The following RPRD2 variants were observed in gnomAD, a reference collection of about 807,000 sequenced individuals.
RPRD2 encodes the protein regulation of nuclear pre-mRNA domain containing 2.
A neutral mutation model predicts 104.4 loss-of-function variants in RPRD2; 12 were observed. The observed-to-expected ratio is 0.11, with a 90% CI of 0.07 to 0.19. The LOEUF is 0.19. RPRD2 is among the 10% of genes least tolerant of loss of function. The pLI is 1.00. For synonymous variants in RPRD2, 714 were observed against 684.9 expected (o/e 1.04, Z -0.66); for missense variants, 1,543 against 1,790.1 (o/e 0.86, Z 2.49).
Position 150,471,774 on chromosome 1 carries a change from C to A in RPRD2, c.2826C>A (p.Ser942=). The A allele has an allele frequency of 6.2e-7, 1 of 1,613,930 alleles. No individual in the cohort carries two copies. The change falls in exon 11 of 11, where the codon TCC becomes TCA. Residue 942 remains serine (S), a synonymous_variant. Transcript: ENST00000369068. This position sits in a 1 kb window ranked among gnomAD's most constrained non-coding sequence, Gnocchi z 5.3. ...SKNDSFFTPD[S]NHNSLSQSTT... is the part of the protein sequence containing the mutation. ...ATGATTCATTTTTCACCCCTGACTCCAACCACAATAGCTTGTCTCAATCTA... is the reference window on the plus strand; with the variant it reads ...ATGATTCATTTTTCACCCCTGACTCAAACCACAATAGCTTGTCTCAATCTA...
At chr1:150,380,777 C>G (rs965559848) in intron 1 of RPRD2, among the ~76,000 whole-genome samples, 1 of 152,164 alleles carries the variant, frequency 6.6e-6, no homozygotes, top group Non-Finnish European at 1.5e-5. Flanking sequence ...GCCTCAGCCT[C>G]CCGAGTAGCT....
At chr1:150,389,413 GTC>G (rs1661890712) in intron 1 of RPRD2, among the ~76,000 whole-genome samples, 1 of 152,142 alleles carries the variant, frequency 6.6e-6, no homozygotes, top group East Asian at 1.9e-4. Flanking sequence ...ATGTGGGTTT[GTC>G]TGTTTTTTTG....
chr1:150,436,250 ACAT>A (rs1665983088), intron 2 of RPRD2, among the ~76,000 whole-genome samples: 1 of 152,192 alleles, frequency 6.6e-6, no homozygotes, highest in South Asian at 2.1e-4. Flanking sequence ...TGCTAACACA[ACAT>A]TTATTCTGCC....
chr1:150,377,280 A>AT (rs1553879793), intron 1 of RPRD2, among the ~76,000 whole-genome samples: 2 of 151,652 alleles, frequency 1.3e-5, no homozygotes, highest in African/African-American at 4.8e-5. Context: ...TGGGTGCTGA[A>AT]AGAGATGGAA....
chr1:150,461,128 C>A (rs1667904842), intron 9 of RPRD2, among the ~76,000 whole-genome samples: 1 of 151,936 alleles, frequency 6.6e-6, no homozygotes, highest in Non-Finnish European at 1.5e-5. Flanking sequence ...GGCGTGGTGG[C>A]TCATGCCTGT....
chr1:150,384,755 C>A (rs1394409620), intron 1 of RPRD2, among the ~76,000 whole-genome samples: 1 of 151,658 alleles, frequency 6.6e-6, no homozygotes, highest in African/African-American at 2.4e-5. Flanking sequence ...GACCCACCTG[C>A]CTCGGCCTCC....
At chr1:150,416,223 G>C (rs1202042354) in intron 1 of RPRD2, among the ~76,000 whole-genome samples, 4 of 151,986 alleles carry the variant, frequency 2.6e-5, no homozygotes, top group African/African-American at 9.7e-5. Context: ...AGAGTATGAG[G>C]GTTTTAATAA....
intron 2 of RPRD2, among the ~76,000 whole-genome samples, chr1:150,423,328 T>A (rs1171526245): frequency 6.6e-6 from 1 of 152,212 alleles, no homozygotes; most frequent in African/African-American, 2.4e-5. Flanking sequence ...AGAATCCCTT[T>A]AAGAACTGAG....
At chr1:150,365,651 G>C (rs587747802) in intron 1 of RPRD2, among the ~76,000 whole-genome samples, 9 of 152,118 alleles carry the variant, frequency 5.9e-5, no homozygotes, top group African/African-American at 2.2e-4. Flanking sequence ...GTGCAGTGGC[G>C]CGATCTCGGC....
chr1:150,444,503 TC>T, intron 6 of RPRD2, 126 bp downstream of exon 6: 2 of 837,186 alleles, frequency 2.4e-6, no homozygotes, highest in Non-Finnish European at 3.6e-6. Context: ...ACCTCTGGTT[TC>T]CCAGGTAGTT....
In RPRD2 at chr1:150,472,915, G is replaced by A; in HGVS notation, c.3967G>A (p.Val1323Ile). Residue 1323 changes from valine to isoleucine, a missense_variant, in exon 11 of 11, where the codon GTA becomes ATA. This residue lies in a region of RPRD2 where 880 missense variants were observed against 885.6 expected (regional missense o/e 0.99). Coordinates refer to ENST00000369068, the MANE Select transcript of RPRD2 (RefSeq NM_015203.5). ...GCACGGAGTGGCAGGGGCTGTGGCA[G>A]TATTTCCCAAGGACCATAGTTCCCT... Reference protein sequence around the residue: ...AEHGVAGAVAVFPKDHSSLLQ... With the variant: ...AEHGVAGAVAIFPKDHSSLLQ... 1.9e-6 allele frequency: 3 copies of A among 1,613,346 alleles called. No individual in the cohort carries two copies. Among genetic ancestry groups the A allele is most frequent in the Non-Finnish European group, 2.5e-6 (3 of 1,179,612 alleles).
At position 150,470,730 on chromosome 1, in the gene RPRD2, T is replaced by G; in HGVS notation, c.1782T>G (p.Pro594=). The G allele has an allele frequency of 6.2e-7, 1 of 1,614,050 alleles. No individual in the cohort carries two copies. The highest frequency in any genetic ancestry group is 2.2e-5 in the East Asian group (1 of 44,884). ...PFIPKSFNYS[P]NSSTSEVSST... is the part of the protein sequence containing the mutation. ...TTCCCAAAAGCTTCAACTATTCTCCTAACTCATCAACTTCTGAAGTCTCTT... is the reference window on the plus strand; with the variant it reads ...TTCCCAAAAGCTTCAACTATTCTCCGAACTCATCAACTTCTGAAGTCTCTT... Residue 594 remains proline, a synonymous_variant, in exon 11 of 11, where the codon CCT becomes CCG. Transcript: ENST00000369068.
chr1:150,379,293 CAAAA>C (rs1248296306), intron 1 of RPRD2, among the ~76,000 whole-genome samples: 12 of 151,182 alleles, frequency 7.9e-5, no homozygotes, highest in South Asian at 2.1e-4. Flanking sequence ...AAAAAAAAAA[CAAAA>C]AGAAAGAAAA....
At chr1:150,366,699 A>T (rs1384351686) in intron 1 of RPRD2, among the ~76,000 whole-genome samples, 1 of 152,232 alleles carries the variant, frequency 6.6e-6, no homozygotes, top group Non-Finnish European at 1.5e-5. Context: ...TGACTTCATC[A>T]TTAACTTTGT....
At position 150,473,450 on chromosome 1, in the gene RPRD2, A is replaced by G. The variant is rs587712886; in HGVS notation, c.*116A>G. On this transcript the variant is annotated 3_prime_UTR_variant, in exon 11 of 11. Coordinates refer to ENST00000369068, the MANE Select transcript of RPRD2 (RefSeq NM_015203.5). The stretch of plus-strand genomic sequence containing the variant: ...TTCTCGATTTTTTTTTTATTATAAC[A>G]AAGGGCCTCTCTTCCAAAGTAAGAA... 224 of 976,180 alleles carry G rather than the reference A, an allele frequency of 2.3e-4. 2 individuals carry two copies. The highest frequency in any genetic ancestry group is 3.7e-4 in the Admixed American group (13 of 34,932). The allele number at this position is 976,180 out of a possible 1,614,324, so 60.5% of individuals were successfully genotyped here.
chr1:150,412,212 G>C (rs1262911346), intron 1 of RPRD2, among the ~76,000 whole-genome samples: 1 of 152,178 alleles, frequency 6.6e-6, no homozygotes, highest in Non-Finnish European at 1.5e-5. Context: ...ACACTACAAT[G>C]TGATAAATGC....
At chr1:150,395,606 T>C (rs1553884058) in intron 1 of RPRD2, among the ~76,000 whole-genome samples, 2 of 150,310 alleles carry the variant, frequency 1.3e-5, no homozygotes, top group African/African-American at 4.9e-5. Flanking sequence ...ACTGCCTCCG[T>C]GTTCAAGCAG....
intron 1 of RPRD2, among the ~76,000 whole-genome samples, chr1:150,392,467 T>C (rs1369493500): frequency 6.6e-6 from 1 of 152,186 alleles, no homozygotes; most frequent in African/African-American, 2.4e-5. Flanking sequence ...ATCGCGCCAC[T>C]GCACTACAGC....
chr1:150,464,548 C>A lies in RPRD2; in HGVS notation c.1433C>A (p.Pro478His). ...CCAGGGGTCAGTCCTGCATCAAGAC[C>A]TTCTCCAGGAACGCCCACCAGCCCC... ...KNTGVSPASRPSPGTPTSPSN... is the reference protein window; with the variant it reads ...KNTGVSPASRHSPGTPTSPSN... The change falls in exon 10 of 11, where the codon CCT becomes CAT. Residue 478 changes from proline to histidine, a missense_variant. This residue lies in a region of RPRD2 where 572 missense variants were observed against 787.3 expected (regional missense o/e 0.73). Transcript: ENST00000369068. 1 of 1,602,298 alleles carries A rather than the reference C, an allele frequency of 6.2e-7. No individual in the cohort carries two copies.
Sources: allele counts gnomAD v4.1 joint callset (sites outside exome capture counted in the v4.1 genomes callset), GRCh38; gene constraint gnomAD v4.1.1; regional missense constraint gnomAD v4.1.1; non-coding constraint Gnocchi (gnomAD v3.1); transcripts MANE v1.5; gene names NCBI Gene and HGNC (gene_info 2026-07-23, HGNC 2026-07-21).